CHD6: variants seen among roughly 807,000 people sequenced by gnomAD.
CHD6 encodes the protein chromodomain helicase DNA binding protein 6.
CHD6 carries 50 observed loss-of-function variants against 276.9 expected under a neutral mutation model. The ratio of observed to expected loss-of-function variants is 0.18; its 90% CI spans 0.14 to 0.23. The LOEUF is 0.23. Among genes scored for constraint, CHD6 ranks in the 10% least tolerant of loss-of-function variants. The pLI is 1.00. For missense variants in CHD6, 2,564 were observed against 3,365.8 expected (o/e 0.76, Z 5.89); for synonymous variants, 1,173 against 1,229.3 (o/e 0.95, Z 0.96).
chr20:41,595,282 G>C (rs1038021124), intron 1 of CHD6, among the ~76,000 whole-genome samples: 2 of 152,206 alleles, frequency 1.3e-5, no homozygotes, highest in Admixed American at 6.5e-5. Context: ...GGACACCCTG[G>C]AAGTTGAAAG....
At chr20:41,564,089 G>C in intron 1 of CHD6, 1 of 778,910 alleles carries the variant, frequency 1.3e-6, no homozygotes. Context: ...GATCTCCCTG[G>C]GTCTCAGTTT....
At chr20:41,503,403 C>T (rs2043886849) in intron 5 of CHD6, among the ~76,000 whole-genome samples, 1 of 152,142 alleles carries the variant, frequency 6.6e-6, no homozygotes, top group African/African-American at 2.4e-5. Flanking sequence ...CCTTTCTAAT[C>T]TTTTAACTTT....
rs555274476 is a variant in CHD6, at chr20:41,486,992, G to A, written c.2001+673C>T. On this transcript the variant is annotated intron_variant, in intron 14 of 36. Coordinates refer to ENST00000373233, the MANE Select transcript of CHD6 (RefSeq NM_032221.5). ...AATAGATGTAACCTGTCTCTCCTTT[G>A]AAGGACCACCTCTACTATTTGTTCC... Among the ~76,000 whole-genome samples, 10 of 152,228 alleles carry A rather than the reference G, an allele frequency of 6.6e-5. 1 individual carries two copies. Among genetic ancestry groups the A allele is most frequent in the African/African-American group, 2.4e-4 (10 of 41,548 alleles).
chr20:41,438,550 A>G (rs1055697929), intron 26 of CHD6, among the ~76,000 whole-genome samples: 4 of 152,164 alleles, frequency 2.6e-5, no homozygotes, highest in African/African-American at 9.7e-5. Context: ...AGATCATTCC[A>G]CTGCACTCCA....
In CHD6 at chr20:41,425,247, T is replaced by A; in HGVS notation, c.4277A>T (p.Tyr1426Phe). ...CCTGAACATCTCTTCCTGAACCCAA[T>A]ATCCTTGGTTACCTGGTCCCAGAAT... ...PEILGPGNQG[Y>F]WVQEEMFRRT... The change falls in exon 29 of 37, where the codon TAT (tyrosine) becomes TTT (phenylalanine). Residue 1426 changes from tyrosine to phenylalanine, a missense_variant. Tyr to Phe is a conservative substitution (Grantham distance 22). This residue lies in a region of CHD6 where 515 missense variants were observed against 739.5 expected (regional missense o/e 0.70). Transcript: ENST00000373233. 6.2e-7 allele frequency: 1 copy of A among 1,614,220 alleles called. No homozygotes were observed. Among genetic ancestry groups the A allele is most frequent in the Non-Finnish European group, 8.5e-7 (1 of 1,180,040 alleles).
chr20:41,526,991 G>C (rs550456305), intron 3 of CHD6, among the ~76,000 whole-genome samples: 4 of 152,284 alleles, frequency 2.6e-5, no homozygotes, highest in South Asian at 2.1e-4. Context: ...CAGAGATCCA[G>C]GTAGATAGAC....
intron 1 of CHD6, among the ~76,000 whole-genome samples, chr20:41,586,870 G>C (rs952722983): frequency 1.3e-5 from 2 of 152,190 alleles, no homozygotes; most frequent in African/African-American, 2.4e-5. Context: ...TATAGTTAAT[G>C]TGAATGAATT....
chr20:41,502,545 T>G (rs1391999722), intron 5 of CHD6, among the ~76,000 whole-genome samples: 1 of 152,230 alleles, frequency 6.6e-6, no homozygotes, highest in African/African-American at 2.4e-5. Context: ...TCCTACAGCT[T>G]GATTACAAAG....
intron 3 of CHD6, among the ~76,000 whole-genome samples, chr20:41,527,509 A>C (rs779761626): frequency 2.2e-4 from 34 of 151,958 alleles, no homozygotes; most frequent in Admixed American, 2.0e-4. Context: ...CTACAGACCT[A>C]CTCCTCAGAT....
chr20:41,563,612 T>C (rs2045325325), intron 1 of CHD6, among the ~76,000 whole-genome samples: 1 of 152,308 alleles, frequency 6.6e-6, no homozygotes, highest in South Asian at 2.1e-4. Flanking sequence ...CATTTCTAAA[T>C]CCTAATCTGC....
intron 17 of CHD6, among the ~76,000 whole-genome samples, chr20:41,462,449 A>G (rs996393130): frequency 6.6e-6 from 1 of 152,244 alleles, no homozygotes; most frequent in Non-Finnish European, 1.5e-5. Flanking sequence ...TTAAATACAC[A>G]CTTGAAAGTA....
intron 17 of CHD6, among the ~76,000 whole-genome samples, chr20:41,459,826 C>A (rs769882769): frequency 1.3e-5 from 2 of 152,112 alleles, no homozygotes; most frequent in Non-Finnish European, 2.9e-5. Context: ...TAAAGCAGGG[C>A]GTTGCTGAAA....
At chr20:41,445,615 T>C (rs2048041245) in intron 25 of CHD6, 50 bp downstream of exon 25, 2 of 1,268,452 alleles carry the variant, frequency 1.6e-6, no homozygotes, top group African/African-American at 1.5e-5. Context: ...GAACTCATCC[T>C]TCCTGGGGGA....
intron 5 of CHD6, among the ~76,000 whole-genome samples, chr20:41,504,151 T>C (rs1473480306): frequency 2.0e-5 from 3 of 151,002 alleles, no homozygotes; most frequent in African/African-American, 7.3e-5. Flanking sequence ...CTCTCTTTCT[T>C]ATGCTTTTAC....
At chr20:41,468,019 C>T (rs555306894) in intron 17 of CHD6, among the ~76,000 whole-genome samples, 2 of 151,810 alleles carry the variant, frequency 1.3e-5, no homozygotes, top group Admixed American at 1.3e-4. Context: ...ATTTTAGATC[C>T]TTTTCATTAT....
intron 27 of CHD6, among the ~76,000 whole-genome samples, chr20:41,434,354 G>A (rs2047637674): frequency 6.6e-6 from 1 of 152,194 alleles, no homozygotes; most frequent in Admixed American, 6.5e-5. Context: ...GGGTCAATCT[G>A]CCAAGAACAT....
At chr20:41,532,307 A>AG (rs2044705380) in intron 3 of CHD6, among the ~76,000 whole-genome samples, 1 of 152,206 alleles carries the variant, frequency 6.6e-6, no homozygotes, top group Admixed American at 6.5e-5. Context: ...CTAGATAAAC[A>AG]GATCAGGAAT....
chr20:41,499,268 T>C, intron 6 of CHD6, 27 bp downstream of exon 6: 1 of 1,564,272 alleles, frequency 6.4e-7, no homozygotes, highest in South Asian at 1.2e-5. Context: ...GCTAATGATA[T>C]AAAAGCTAGA....
chr20:41,533,453 C>A lies in CHD6; in HGVS notation c.151G>T (p.Val51Phe). 1.9e-6 allele frequency: 3 copies of A among 1,614,192 alleles called. No homozygotes were observed. The highest frequency in any genetic ancestry group is 2.5e-6 in the Non-Finnish European group (3 of 1,180,024). Residue 51 changes from valine to phenylalanine, a missense_variant, in exon 3 of 37, where the codon GTT becomes TTT. By Grantham distance (50) the Val-to-Phe change is conservative (BLOSUM62 -1). This residue lies in a region of CHD6 where 286 missense variants were observed against 297.8 expected (regional missense o/e 0.96). Coordinates refer to ENST00000373233, the MANE Select transcript of CHD6 (RefSeq NM_032221.5). ...TTCTGAGGCAGACAGTGACTAGCAACATCTTCAATTTTCTCTTCTTGATCA... is the reference window on the plus strand; with the variant it reads ...TTCTGAGGCAGACAGTGACTAGCAAAATCTTCAATTTTCTCTTCTTGATCA... ...STDQEEKIED[V>F]ASHCLPQKDL...
Sources: allele counts gnomAD v4.1 joint callset (sites outside exome capture counted in the v4.1 genomes callset), GRCh38; gene constraint gnomAD v4.1.1; regional missense constraint gnomAD v4.1.1; transcripts MANE v1.5; gene names NCBI Gene and HGNC (gene_info 2026-07-23, HGNC 2026-07-21).